PLA2G4E: variants seen among roughly 807,000 people sequenced by gnomAD.
PLA2G4E encodes the protein cytosolic phospholipase A2 epsilon.
In PLA2G4E, 84 loss-of-function variants were observed where a neutral mutation model predicts 109.1. The observed-to-expected ratio is 0.77, with a 90% CI of 0.65 to 0.92. PLA2G4E has a LOEUF of 0.92. Ranked by LOEUF, PLA2G4E falls within the 40% of genes least tolerant of loss-of-function variation. The pLI is 0.00. For missense variants in PLA2G4E, 1,057 were observed against 1,076.6 expected, an observed-to-expected ratio of 0.98 and a Z score of 0.25; for synonymous variants, 469 against 436.1, an observed-to-expected ratio of 1.08 and a Z score of -0.94.
intron 1 of PLA2G4E, among the ~76,000 whole-genome samples, chr15:42,016,197 A>T (rs1159475268): frequency 6.7e-6 from 1 of 149,758 alleles, no homozygotes; most frequent in Non-Finnish European, 1.5e-5. Context: ...AGAAAAAAAA[A>T]GTTTCTATAA....
intron 7 of PLA2G4E, among the ~76,000 whole-genome samples, chr15:42,000,530 C>T (rs1226143143): frequency 6.6e-6 from 1 of 152,202 alleles, no homozygotes; most frequent in Non-Finnish European, 1.5e-5. Flanking sequence ...CTGAGAAGGT[C>T]CTCAGGACCA....
At position 42,005,982 on chromosome 15, in the gene PLA2G4E, G is replaced by C; in HGVS notation, c.525+8C>G. ...GCCGGAGTCTGAGGGCCTGTACCCTGCACCCACCTGCGGGTTGAGTGGAAA... is the reference window on the plus strand; with the variant it reads ...GCCGGAGTCTGAGGGCCTGTACCCTCCACCCACCTGCGGGTTGAGTGGAAA... On this transcript the variant is annotated splice_region_variant and intron_variant, in intron 4 of 19. Coordinates refer to ENST00000399518, the Ensembl canonical transcript of PLA2G4E. The C allele has an allele frequency of 6.2e-7, 1 of 1,613,452 alleles. No individual in the cohort carries two copies.
At chr15:42,046,270 G>A (rs1366846582) in intron 1 of PLA2G4E, among the ~76,000 whole-genome samples, 3 of 152,196 alleles carry the variant, frequency 2.0e-5, no homozygotes, top group Non-Finnish European at 4.4e-5. Context: ...TCAGGTTAAA[G>A]CCCTCCATGG....
intron 2 of PLA2G4E, among the ~76,000 whole-genome samples, chr15:42,013,080 G>T (rs966110962): frequency 1.3e-5 from 2 of 152,194 alleles, no homozygotes; most frequent in Admixed American, 6.5e-5. Flanking sequence ...TCTGGGATGA[G>T]GGGGGAGGTT....
At chr15:41,987,249 G>T in exon 17 of PLA2G4E, 1 of 1,614,006 alleles carries the variant, frequency 6.2e-7, no homozygotes, top group Non-Finnish European at 8.5e-7. Flanking sequence ...GTGAAACTCA[G>T]ACACGAAGGA....
At chr15:42,040,115 T>G (rs982054940) in intron 1 of PLA2G4E, among the ~76,000 whole-genome samples, 1 of 152,106 alleles carries the variant, frequency 6.6e-6, no homozygotes, top group Non-Finnish European at 1.5e-5. Context: ...GGTGGAGGAT[T>G]GCTTGAGGCC....
intron 17 of PLA2G4E, chr15:41,986,932 C>T (rs2068150911): frequency 7.1e-6 from 4 of 560,788 alleles, no homozygotes; most frequent in African/African-American, 1.9e-5. Context: ...TGTACAGATT[C>T]TGTATAGAAT....
rs560160268 is a variant in PLA2G4E, at chr15:42,046,320, C to T, written c.183+4201G>A. 7.2e-5 allele frequency among the ~76,000 whole-genome samples: 11 copies of T among 152,328 alleles called. No individual in the cohort carries two copies. In the East Asian group the frequency reaches 1.5e-3, roughly 21 times the overall value. On this transcript the variant is annotated intron_variant, in intron 1 of 19. Coordinates refer to ENST00000399518, the Ensembl canonical transcript of PLA2G4E. ...TTGGAACAAAATCAAAGCTGCTTTC[C>T]GCAGCATCCGGTCCATAAGGCCCGG... is the stretch of plus-strand genomic sequence containing the variant.
intron 1 of PLA2G4E, among the ~76,000 whole-genome samples, chr15:42,044,867 G>A (rs1162614246): frequency 1.3e-5 from 2 of 152,154 alleles, no homozygotes; most frequent in Non-Finnish European, 2.9e-5. Flanking sequence ...GGGACAGGAA[G>A]ATGTGTTGTA....
chr15:42,001,435 C>T (rs2068418573), intron 6 of PLA2G4E, among the ~76,000 whole-genome samples: 1 of 152,160 alleles, frequency 6.6e-6, no homozygotes, highest in Admixed American at 6.5e-5. Context: ...GAAGCTGTCC[C>T]AGGAGGTCTA....
rs1188798288 is a variant in PLA2G4E at position 42,021,047 on chromosome 15, C to T, written c.184-7290G>A. 2.0e-5 allele frequency among the ~76,000 whole-genome samples: 3 copies of T among 152,014 alleles called. No individual in the cohort carries two copies. The highest frequency in any genetic ancestry group is 7.3e-5 in the African/African-American group (3 of 41,374). On this transcript the variant is annotated intron_variant, in intron 1 of 19. Transcript: ENST00000399518. ...CAGGAGCATCACGGCAGCTCTCCAG[C>T]TGGGTGGCAAGATCAGGAACTTATA...
At chr15:42,005,104 C>T in intron 4 of PLA2G4E, 126 bp from the exon 5 acceptor site, 1 of 1,134,330 alleles carries the variant, frequency 8.8e-7, no homozygotes, top group Non-Finnish European at 1.3e-6. Flanking sequence ...TGCCTGCTGC[C>T]ATGGAGTGTG....
chr15:42,039,239 C>T (rs778146774), intron 1 of PLA2G4E, among the ~76,000 whole-genome samples: 20 of 152,004 alleles, frequency 1.3e-4, no homozygotes, highest in African/African-American at 2.7e-4. Context: ...AAACTCACAC[C>T]GAGGAATACA....
intron 1 of PLA2G4E, among the ~76,000 whole-genome samples, chr15:42,045,881 C>A (rs1712436): frequency 6.6e-6 from 1 of 152,020 alleles, no homozygotes; most frequent in Admixed American, 6.5e-5. Flanking sequence ...CACCTGACAT[C>A]TCTGCTTAGA....
In PLA2G4E at chr15:42,007,809, G is replaced by C. The variant is rs143775475; in HGVS notation, c.313C>G (p.Leu105Val). The C allele has an allele frequency of 3.1e-6, 5 of 1,611,262 alleles. No individual in the cohort carries two copies. In the African/African-American group the frequency reaches 6.7e-5, roughly 21 times the overall value. The change falls in exon 3 of 20, where the codon CTG (leucine) becomes GTG (valine). Residue 105 changes from leucine to valine, a missense_variant. Leu to Val is a conservative substitution (Grantham distance 32). Coordinates refer to ENST00000399518, the Ensembl canonical transcript of PLA2G4E. ...CAGTTGGAGATGGTCCTTGTCCTCA[G>C]CTTCTTCTGAGAGGCGGTGGGCAGC...
At chr15:42,036,186 G>C (rs1889210636) in intron 1 of PLA2G4E, among the ~76,000 whole-genome samples, 1 of 152,220 alleles carries the variant, frequency 6.6e-6, no homozygotes, top group Non-Finnish European at 1.5e-5. Context: ...GGCCGCAGCA[G>C]GGAGGGTGCG....
chr15:42,028,944 A>T (rs553548948), intron 1 of PLA2G4E, among the ~76,000 whole-genome samples: 4 of 152,300 alleles, frequency 2.6e-5, no homozygotes, highest in East Asian at 3.9e-4. Flanking sequence ...TGATGACAAG[A>T]TAACAAAGTA....
intron 11 of PLA2G4E, 28 bp downstream of exon 11, chr15:41,997,096 C>T (rs761932151): frequency 9.7e-6 from 15 of 1,539,746 alleles, no homozygotes; most frequent in Admixed American, 2.0e-5. Flanking sequence ...CAGCTGGGCC[C>T]AGGCTGGCCA....
intron 1 of PLA2G4E, among the ~76,000 whole-genome samples, chr15:42,019,300 A>G (rs905962920): frequency 2.6e-5 from 4 of 152,214 alleles, no homozygotes; most frequent in African/African-American, 7.2e-5. Context: ...CCGTTACCAC[A>G]AATCAGTCAA....
Sources: gnomAD v4.1 joint callset for allele counts (sites outside exome capture counted in the v4.1 genomes callset) on GRCh38, gnomAD v4.1.1 for gene constraint, MANE v1.5 for transcripts, NCBI Gene and HGNC (gene_info 2026-07-23, HGNC 2026-07-21) for gene names.